Variants in EPHA3 observed in about 807,000 individuals in gnomAD.
EPHA3 encodes ephrin type-A receptor 3.
Under a neutral mutation model 107.1 loss-of-function variants are expected in EPHA3, and 42 were observed. That is an observed-to-expected ratio of 0.39 (90% CI 0.31 to 0.51). EPHA3 has a LOEUF of 0.51. Ranked by LOEUF, EPHA3 falls within the 20% of genes least tolerant of loss-of-function variation. The pLI is 0.78. For synonymous variants in EPHA3, 461 were observed against 424.8 expected (o/e 1.09, Z -1.05); for missense variants, 1,183 against 1,211.2 (o/e 0.98, Z 0.35).
intron 2 of EPHA3, among the ~76,000 whole-genome samples, chr3:89,195,020 T>C (rs1705804940): frequency 6.6e-6 from 1 of 152,118 alleles, no homozygotes; most frequent in African/African-American, 2.4e-5. Context: ...TTTCCGACAT[T>C]TCATTTTTCT....
chr3:89,361,259 T>C (rs1033026616), intron 5 of EPHA3, among the ~76,000 whole-genome samples: 1 of 151,054 alleles, frequency 6.6e-6, no homozygotes, highest in African/African-American at 2.4e-5. Flanking sequence ...TCCTAATCTA[T>C]ACTTTTTGTT....
chr3:89,360,646 C>T (rs1397387653), intron 5 of EPHA3, among the ~76,000 whole-genome samples: 1 of 151,128 alleles, frequency 6.6e-6, no homozygotes, highest in East Asian at 1.9e-4. Flanking sequence ...TCATCTTCCC[C>T]AGATTATCGA....
At chr3:89,243,876 A>C (rs1704969409) in intron 3 of EPHA3, among the ~76,000 whole-genome samples, 1 of 152,022 alleles carries the variant, frequency 6.6e-6, no homozygotes, top group South Asian at 2.1e-4. Flanking sequence ...CACTGCCAGG[A>C]CTCATTTATC....
At chr3:89,197,049 G>C (rs193193592) in intron 2 of EPHA3, among the ~76,000 whole-genome samples, 10 of 152,140 alleles carry the variant, frequency 6.6e-5, no homozygotes, top group African/African-American at 2.4e-4. Flanking sequence ...TTTATGACAT[G>C]ATTCAGATCA....
At chr3:89,174,221 T>C (rs1026809521) in intron 2 of EPHA3, among the ~76,000 whole-genome samples, 1 of 152,020 alleles carries the variant, frequency 6.6e-6, no homozygotes, top group African/African-American at 2.4e-5. Flanking sequence ...AGGTCTTAGG[T>C]TTCCGTGATA....
Position 89,210,212 on chromosome 3 carries a change from G to C in EPHA3, c.506G>C (p.Arg169Thr). The C allele has an allele frequency of 1.2e-6, 2 of 1,614,070 alleles. No individual in the cohort carries two copies. Among genetic ancestry groups the C allele is most frequent in the Non-Finnish European group, 8.5e-7 (1 of 1,179,960 alleles). The change falls in exon 3 of 17, where the codon AGA (arginine) becomes ACA (threonine). Residue 169 changes from arginine to threonine, a missense_variant. Coordinates refer to ENST00000336596, the MANE Select transcript of EPHA3 (RefSeq NM_005233.6). ...DRILKLNTEIREVGPVNKKGF... is the reference protein window; with the variant it reads ...DRILKLNTEITEVGPVNKKGF... The stretch of plus-strand genomic sequence containing the variant: ...ATTCTGAAGCTCAACACTGAGATTA[G>C]AGAAGTAGGTCCTGTCAACAAGAAG...
chr3:89,368,088 TAAG>T lies in EPHA3; in HGVS notation c.1306+26009_1306+26011del, dbSNP rs534288204. 6.0e-5 allele frequency among the ~76,000 whole-genome samples: 9 copies of T among 150,694 alleles called. 1 individual carries two copies. Among genetic ancestry groups the T allele is most frequent in the Non-Finnish European group, 7.4e-5 (5 of 67,204 alleles). On this transcript the variant is annotated intron_variant, in intron 5 of 16. Transcript: ENST00000336596. ...ATATACATTTTAAGTGAGAGAGCTGTAAGAAGAAGAAGAGCTGAGCAGAAGATT... is the reference window on the plus strand; with the variant it reads ...ATATACATTTTAAGTGAGAGAGCTGTAAGAAGAAGAGCTGAGCAGAAGATT...
At chr3:89,263,261 A>C (rs895138355) in intron 3 of EPHA3, among the ~76,000 whole-genome samples, 1 of 151,818 alleles carries the variant, frequency 6.6e-6, no homozygotes, top group African/African-American at 2.4e-5. Context: ...AGCTTCATCC[A>C]TGTCCCTACA....
At chr3:89,364,604 C>T (rs1708154194) in intron 5 of EPHA3, among the ~76,000 whole-genome samples, 2 of 151,144 alleles carry the variant, frequency 1.3e-5, no homozygotes, top group South Asian at 4.2e-4. Flanking sequence ...TGGATAAACC[C>T]TTGTTAAAAA....
At chr3:89,129,577 G>A (rs1408646541) in intron 2 of EPHA3, among the ~76,000 whole-genome samples, 2 of 149,034 alleles carry the variant, frequency 1.3e-5, no homozygotes, top group Non-Finnish European at 1.5e-5. Context: ...GAAATATATA[G>A]TGCAGATTTA....
intron 3 of EPHA3, among the ~76,000 whole-genome samples, chr3:89,283,274 A>G (rs1460417100): frequency 5.9e-5 from 9 of 152,116 alleles, no homozygotes; most frequent in African/African-American, 2.2e-4. Context: ...CTGAAACGTC[A>G]TGGAATTCTA....
chr3:89,237,568 T>C (rs769730830), intron 3 of EPHA3, among the ~76,000 whole-genome samples: 2 of 152,198 alleles, frequency 1.3e-5, no homozygotes, highest in African/African-American at 4.8e-5. Flanking sequence ...AACTGACTTG[T>C]ATAAAAAGTT....
intron 5 of EPHA3, among the ~76,000 whole-genome samples, chr3:89,356,275 A>G (rs1707953745): frequency 1.3e-5 from 2 of 150,748 alleles, no homozygotes; most frequent in South Asian, 2.1e-4. Flanking sequence ...GCTATTGTGA[A>G]TAGTGCTGCA....
At chr3:89,240,076 C>A (rs774985777) in intron 3 of EPHA3, among the ~76,000 whole-genome samples, 15 of 152,208 alleles carry the variant, frequency 9.9e-5, no homozygotes, top group Admixed American at 2.6e-4. Flanking sequence ...CATCTAACCC[C>A]AGTGGGGCCA....
At chr3:89,312,502 G>A (rs1567733) in intron 3 of EPHA3, among the ~76,000 whole-genome samples, 147 of 150,068 alleles carry the variant, frequency 9.8e-4, no homozygotes, top group South Asian at 2.1e-3. Context: ...AGTTTTTTCC[G>A]TTTTTAGCTT....
At chr3:89,107,974 G>T in intron 1 of EPHA3, 138 bp downstream of exon 1, 1 of 704,064 alleles carries the variant, frequency 1.4e-6, no homozygotes. Context: ...GGAAAGATGT[G>T]CCTTTTTTTT....
chr3:89,120,816 C>A (rs1308217817), intron 1 of EPHA3, among the ~76,000 whole-genome samples: 4 of 151,896 alleles, frequency 2.6e-5, no homozygotes, highest in Non-Finnish European at 4.4e-5. Flanking sequence ...AAATTATTGC[C>A]CAGGAGAAAA....
intron 3 of EPHA3, among the ~76,000 whole-genome samples, chr3:89,232,388 C>G (rs1704659916): frequency 6.6e-6 from 1 of 151,948 alleles, no homozygotes; most frequent in Non-Finnish European, 1.5e-5. Flanking sequence ...TAAGGTGTGT[C>G]TTGTCAGGTG....
At chr3:89,156,432 T>G (rs1322043941) in intron 2 of EPHA3, among the ~76,000 whole-genome samples, 1 of 152,078 alleles carries the variant, frequency 6.6e-6, no homozygotes, top group Non-Finnish European at 1.5e-5. Context: ...AATAAATTGT[T>G]TATTTTTTAA....
Sources: allele counts gnomAD v4.1 joint callset (sites outside exome capture counted in the v4.1 genomes callset), GRCh38; gene constraint gnomAD v4.1.1; transcripts MANE v1.5; gene names NCBI Gene and HGNC (gene_info 2026-07-23, HGNC 2026-07-21).